TXLNG: variants seen among roughly 807,000 people sequenced by gnomAD.
The protein encoded by TXLNG is gamma-taxilin.
Under a neutral mutation model 38.8 loss-of-function variants are expected in TXLNG, and 5 were observed. The observed-to-expected ratio is 0.13, with a 90% confidence interval of 0.07 to 0.27. The LOEUF (loss-of-function observed/expected upper bound fraction) is 0.27. TXLNG is among the 10% of genes least tolerant of loss of function. The pLI is 1.00. For missense variants in TXLNG, 393 were observed against 398.2 expected, an observed-to-expected ratio of 0.99 and a Z score of 0.11; for synonymous variants, 182 against 158.2, an observed-to-expected ratio of 1.15 and a Z score of -1.13.
At chrX:16,787,149 G>T (rs1927522131) in intron 1 of TXLNG, among the ~76,000 whole-genome samples, 1 of 112,215 alleles carries the variant, frequency 8.9e-6, no homozygotes, top group Non-Finnish European at 1.9e-5. Flanking sequence ...GCCCCCCTGC[G>T]CTCCCCGCCA....
chrX:16,800,910 T>C (rs933967187), intron 1 of TXLNG, among the ~76,000 whole-genome samples: 2 of 111,378 alleles, frequency 1.8e-5, no homozygotes, highest in Non-Finnish European at 3.8e-5. Context: ...TGGGAGGTGA[T>C]TGGATCATAG....
intron 7 of TXLNG, among the ~76,000 whole-genome samples, 199 bp downstream of exon 7, chrX:16,834,556 C>T (rs1929523838): frequency 1.8e-5 from 2 of 111,229 alleles, no homozygotes; most frequent in South Asian, 3.8e-4. Context: ...CCCAGTTTGC[C>T]CAGCACTTTC....
intron 1 of TXLNG, among the ~76,000 whole-genome samples, chrX:16,811,584 G>A (rs759959370): frequency 9.4e-6 from 1 of 106,511 alleles, no homozygotes; most frequent in South Asian, 4.2e-4. Flanking sequence ...TTGACCTTGG[G>A]TGATCTGCTT....
At chrX:16,820,749 G>T (rs1168803530) in intron 3 of TXLNG, among the ~76,000 whole-genome samples, 1 of 112,277 alleles carries the variant, frequency 8.9e-6, no homozygotes, top group Admixed American at 9.4e-5. Context: ...CCTTATCAAA[G>T]AGTTTGTTCT....
chrX:16,800,219 C>T (rs919545074), intron 1 of TXLNG, among the ~76,000 whole-genome samples: 8 of 111,616 alleles, frequency 7.2e-5, no homozygotes, highest in Non-Finnish European at 5.7e-5. Context: ...GGATTACAGG[C>T]GTGAGCCACT....
intron 1 of TXLNG, among the ~76,000 whole-genome samples, chrX:16,803,820 C>T (rs1034189927): frequency 1.8e-5 from 2 of 109,566 alleles, no homozygotes; most frequent in African/African-American, 6.6e-5. Context: ...GGCATGGTGG[C>T]GCACGCCTGT....
intron 3 of TXLNG, 109 bp from the exon 4 acceptor site, chrX:16,827,985 A>G: frequency 1.6e-6 from 1 of 644,346 alleles, no homozygotes; most frequent in Non-Finnish European, 2.2e-6. Flanking sequence ...ATATTAAACC[A>G]TAGTATTTGA....
chrX:16,841,012 T>G (rs538639663), intron 9 of TXLNG, among the ~76,000 whole-genome samples: 1 of 110,548 alleles, frequency 9.0e-6, no homozygotes, highest in South Asian at 3.8e-4. Flanking sequence ...CTGGCCAACA[T>G]GGTGAAACTC....
intron 1 of TXLNG, among the ~76,000 whole-genome samples, chrX:16,807,122 A>G (rs762657613): frequency 4.9e-4 from 54 of 110,773 alleles, no homozygotes; most frequent in Middle Eastern, 4.6e-3. Flanking sequence ...AAATTAAAAA[A>G]CAACAAACTA....
intron 7 of TXLNG, among the ~76,000 whole-genome samples, chrX:16,835,957 T>G (rs1408542560): frequency 8.9e-6 from 1 of 112,740 alleles, no homozygotes; most frequent in Non-Finnish European, 1.9e-5. Context: ...TTTATTTGGA[T>G]GTTCCATTTT....
intron 2 of TXLNG, among the ~76,000 whole-genome samples, chrX:16,819,381 C>G (rs1236574597): frequency 9.0e-6 from 1 of 110,763 alleles, no homozygotes; most frequent in Non-Finnish European, 1.9e-5. Flanking sequence ...TGAAGTCACC[C>G]TTTTTCCCCC....
rs1929917561 is a variant in TXLNG, at chrX:16,842,997, T to A, written c.*1231T>A. Reference sequence around the variant, plus strand: ...TGAAATTAAGCACATAACTTTTGAATTAGTTCTTTGTTTCAATGTTGAATG... The same window carrying A: ...TGAAATTAAGCACATAACTTTTGAAATAGTTCTTTGTTTCAATGTTGAATG... On this transcript the variant is annotated 3_prime_UTR_variant, in exon 10 of 10. Transcript: ENST00000380122. 1 of 112,493 alleles carries A rather than the reference T, an allele frequency of 8.9e-6. No homozygotes were observed. Among genetic ancestry groups the A allele is most frequent in the African/African-American group, 3.2e-5 (1 of 30,954 alleles). The allele number at this position is 112,493 out of a possible 1,213,427, so 9.3% of individuals were successfully genotyped here. A position where few individuals can be genotyped will look rare whatever the true frequency, so the allele number is the denominator to read the frequency against.
At chrX:16,788,665 G>GTGTT (rs1555988200) in intron 1 of TXLNG, among the ~76,000 whole-genome samples, 6 of 59,496 alleles carry the variant, frequency 1.0e-4, no homozygotes, top group Admixed American at 3.0e-4. Flanking sequence ...CAAACTTGTT[G>GTGTT]TGTTTTTTTT....
intron 1 of TXLNG, among the ~76,000 whole-genome samples, chrX:16,804,985 C>CTTT (rs35314233): frequency 0.031 from 67 of 2,135 alleles, 2 homozygotes; most frequent in African/African-American, 0.11. Context: ...CCCCCCCCCG[C>CTTT]TTTTTTTTTT....
chrX:16,830,797 A>G (rs1014848594), intron 5 of TXLNG, among the ~76,000 whole-genome samples: 1 of 96,287 alleles, frequency 1.0e-5, no homozygotes, highest in African/African-American at 3.8e-5. Context: ...GAGATAATAT[A>G]GCACCTGGCT....
rs1929949849 is a variant in TXLNG, at chrX:16,843,519, A to AGACT, written c.*1754_*1757dup. 8.9e-6 allele frequency: 1 copy of AGACT among 112,283 alleles called. No individual in the cohort carries two copies. 9.3% of individuals were successfully genotyped at this position (112,283 alleles called of 1,213,427 possible). A position where few individuals can be genotyped will look rare whatever the true frequency, so the allele number is the denominator to read the frequency against. On this transcript the variant is annotated 3_prime_UTR_variant, in exon 10 of 10. Coordinates refer to ENST00000380122, the MANE Select transcript of TXLNG (RefSeq NM_018360.3). Reference sequence around the variant, plus strand: ...CACCCTGTTCTGCTACTAAAATACTAGACTCATTTCCCTGGTGGTGGGGGG... The same window carrying AGACT: ...CACCCTGTTCTGCTACTAAAATACTAGACTGACTCATTTCCCTGGTGGTGGGGGG...
rs995184445 is a variant in TXLNG at position 16,786,512 on chromosome X, G to C, written c.25G>C (p.Ala9Pro). 2.9e-5 allele frequency: 32 copies of C among 1,111,693 alleles called. No individual in the cohort carries two copies. Among genetic ancestry groups the C allele is most frequent in the Non-Finnish European group, 3.6e-5 (31 of 849,632 alleles). 91.6% of individuals were successfully genotyped at this position (1,111,693 alleles called of 1,213,427 possible). A position where few individuals can be genotyped will look rare whatever the true frequency, so the allele number is the denominator to read the frequency against. Residue 9 changes from alanine (A) to proline (P), a missense_variant, in exon 1 of 10, where the codon GCG becomes CCG. Physicochemically the swap from Ala to Pro is conservative, Grantham distance 27 (BLOSUM62 -1). Coordinates refer to ENST00000380122, the MANE Select transcript of TXLNG (RefSeq NM_018360.3). Reference protein sequence around the residue: MATRVEEAARGRGGGAEEA... With the variant: MATRVEEAPRGRGGGAEEA... The stretch of plus-strand genomic sequence containing the variant: ...CATGGCGACGCGGGTAGAGGAGGCA[G>C]CGCGGGGAAGAGGCGGCGGCGCCGA...
intron 3 of TXLNG, among the ~76,000 whole-genome samples, chrX:16,823,500 G>A (rs1260840777): frequency 6.1e-5 from 6 of 99,165 alleles, no homozygotes; most frequent in Non-Finnish European, 1.2e-4. Context: ...GTATATATAT[G>A]TGAGGTCACC....
At chrX:16,833,516 T>G (rs780886816) in intron 6 of TXLNG, among the ~76,000 whole-genome samples, 6 of 111,980 alleles carry the variant, frequency 5.4e-5, no homozygotes, top group African/African-American at 1.9e-4. Context: ...ATCTAGGGTT[T>G]AGAGAGACAT....
Sources: allele counts gnomAD v4.1 joint callset (sites outside exome capture counted in the v4.1 genomes callset), GRCh38; gene constraint gnomAD v4.1.1; transcripts MANE v1.5; gene names NCBI Gene and HGNC (gene_info 2026-07-23, HGNC 2026-07-21).